The following CDH20 variants were observed in gnomAD, a reference collection of about 807,000 sequenced individuals.
The protein encoded by CDH20 is cadherin-20.
Under a neutral mutation model 74.2 loss-of-function variants are expected in CDH20, and 29 were observed. The ratio of observed to expected loss-of-function variants is 0.39; its 90% CI spans 0.29 to 0.53. The LOEUF (loss-of-function observed/expected upper bound fraction) is 0.53. Among genes scored for constraint, CDH20 ranks in the 20% least tolerant of loss-of-function variants. The pLI, the probability that CDH20 is intolerant of heterozygous loss-of-function variation, is 0.69. For synonymous variants in CDH20, 469 were observed against 405.4 expected (o/e 1.16, Z -1.88); for missense variants, 988 against 1,048.3 (o/e 0.94, Z 0.79).
chr18:61,433,823 T>C (rs1568137522), intron 1 of CDH20, among the ~76,000 whole-genome samples: 1 of 152,186 alleles, frequency 6.6e-6, no homozygotes, highest in East Asian at 1.9e-4. Flanking sequence ...GATTTTGGCT[T>C]GCATTGGCTT....
intron 8 of CDH20, among the ~76,000 whole-genome samples, chr18:61,537,154 A>G (rs1417268418): frequency 6.6e-6 from 1 of 152,072 alleles, no homozygotes; most frequent in East Asian, 1.9e-4. Context: ...TAAAAATTAG[A>G]TTATGTACTA....
intron 1 of CDH20, among the ~76,000 whole-genome samples, chr18:61,385,929 C>CAA (rs201684632): frequency 0.082 from 5,392 of 66,024 alleles, 137 homozygotes; most frequent in South Asian, 0.17. Flanking sequence ...GACTTTGTCT[C>CAA]AAAAAAAAAA....
At chr18:61,456,660 C>CA (rs1363378014) in intron 1 of CDH20, among the ~76,000 whole-genome samples, 3 of 150,930 alleles carry the variant, frequency 2.0e-5, no homozygotes, top group African/African-American at 7.3e-5. Context: ...AAAAAAAAAA[C>CA]AAAAAACACA....
chr18:61,554,325 A>C lies in CDH20; in HGVS notation c.2036A>C (p.Asp679Ala), dbSNP rs764202955. The change falls in exon 12 of 12, where the codon GAC becomes GCC. Residue 679 changes from aspartate to alanine, a missense_variant. Coordinates refer to ENST00000262717, the MANE Select transcript of CDH20 (RefSeq NM_031891.4). The stretch of plus-strand genomic sequence containing the variant: ...GGCGAGGAGGACACCGAGGCCTTCG[A>C]CATCGCGGCCATGTGGAACCCCCGG... ...GGGEEDTEAFDIAAMWNPREA... is the reference protein window; with the variant it reads ...GGGEEDTEAFAIAAMWNPREA... 1 of 1,613,698 alleles carries C rather than the reference A, an allele frequency of 6.2e-7. No individual in the cohort carries two copies. The highest frequency in any genetic ancestry group is 8.5e-7 in the Non-Finnish European group (1 of 1,179,960).
At chr18:61,435,643 C>T (rs1401543403) in intron 1 of CDH20, among the ~76,000 whole-genome samples, 1 of 151,612 alleles carries the variant, frequency 6.6e-6, no homozygotes, top group Admixed American at 6.6e-5. Context: ...CATAGGCAGA[C>T]ATAGGACAAG....
At chr18:61,444,396 G>T (rs918215112) in intron 1 of CDH20, among the ~76,000 whole-genome samples, 4 of 152,098 alleles carry the variant, frequency 2.6e-5, no homozygotes, top group Non-Finnish European at 5.9e-5. Context: ...AGTATATTTT[G>T]TTTTTATGTC....
intron 6 of CDH20, among the ~76,000 whole-genome samples, chr18:61,520,406 G>A (rs1322262551): frequency 2.0e-5 from 3 of 150,344 alleles, no homozygotes; most frequent in African/African-American, 7.4e-5. Flanking sequence ...AAATATATAT[G>A]CACCCAATAC....
chr18:61,348,883 G>A (rs1910216616), intron 1 of CDH20, among the ~76,000 whole-genome samples: 2 of 152,158 alleles, frequency 1.3e-5, no homozygotes, highest in African/African-American at 4.8e-5. Flanking sequence ...TGGAATCTAG[G>A]TGTAGCTTTG....
intron 6 of CDH20, among the ~76,000 whole-genome samples, chr18:61,524,055 TATAATAATA>T (rs141655676): frequency 2.0e-5 from 3 of 151,152 alleles, no homozygotes; most frequent in Admixed American, 6.6e-5. Flanking sequence ...GGATTTAAAG[TATAATAATA>T]ATAATAATAA....
At chr18:61,459,328 A>C (rs1909688347) in intron 1 of CDH20, among the ~76,000 whole-genome samples, 1 of 152,142 alleles carries the variant, frequency 6.6e-6, no homozygotes, top group Non-Finnish European at 1.5e-5. Flanking sequence ...CTCAATTAAA[A>C]ATGTTTGTTC....
intron 1 of CDH20, among the ~76,000 whole-genome samples, chr18:61,375,692 G>A (rs976018144): frequency 3.3e-5 from 5 of 151,784 alleles, no homozygotes; most frequent in South Asian, 4.2e-4. Context: ...CCATTACCCC[G>A]TTCCCTCCCT....
At chr18:61,455,904 G>A (rs1325665443) in intron 1 of CDH20, among the ~76,000 whole-genome samples, 2 of 152,196 alleles carry the variant, frequency 1.3e-5, no homozygotes, top group African/African-American at 4.8e-5. Flanking sequence ...TATCTAAATT[G>A]TATAGGTAAC....
intron 6 of CDH20, among the ~76,000 whole-genome samples, chr18:61,520,302 C>T (rs754401550): frequency 2.8e-5 from 3 of 106,714 alleles, no homozygotes; most frequent in South Asian, 6.9e-4. Flanking sequence ...AGTGGCAGAG[C>T]GAGACTCCGT....
At chr18:61,338,158 G>T (rs2144083261) in intron 1 of CDH20, among the ~76,000 whole-genome samples, 1 of 152,234 alleles carries the variant, frequency 6.6e-6, no homozygotes, top group South Asian at 2.1e-4. Flanking sequence ...GTGCTAAATA[G>T]CATAAGTAGT....
chr18:61,405,905 G>A (rs963507680), intron 1 of CDH20, among the ~76,000 whole-genome samples: 8 of 152,108 alleles, frequency 5.3e-5, no homozygotes, highest in African/African-American at 9.7e-5. Flanking sequence ...CTGTCTCAAC[G>A]GTCTTGCAGA....
intron 1 of CDH20, among the ~76,000 whole-genome samples, chr18:61,347,287 A>AATATATATATATATATATATAT (rs758677743): frequency 3.5e-5 from 3 of 86,450 alleles, no homozygotes; most frequent in African/African-American, 1.8e-4. Flanking sequence ...TGTCTCTGCT[A>AATATATATATATATATATATAT]ATATATATAT....
chr18:61,498,455 A>G (rs1034617523), intron 2 of CDH20, among the ~76,000 whole-genome samples: 1 of 151,916 alleles, frequency 6.6e-6, no homozygotes, highest in African/African-American at 2.4e-5. Flanking sequence ...CTGCATGGTC[A>G]GATAAAAGCA....
chr18:61,436,166 A>G (rs1408906536), intron 1 of CDH20, among the ~76,000 whole-genome samples: 2 of 152,184 alleles, frequency 1.3e-5, no homozygotes, highest in African/African-American at 2.4e-5. Flanking sequence ...GTATCCAATC[A>G]TCAGTTGACA....
chr18:61,554,894 G>T lies in CDH20; in HGVS notation c.*199G>T. 1 of 1,384,324 alleles carries T rather than the reference G, an allele frequency of 7.2e-7. No homozygotes were observed. The highest frequency in any genetic ancestry group is 1.9e-5 in the South Asian group (1 of 52,096). The allele number at this position is 1,384,324 out of a possible 1,614,324, so 85.8% of individuals were successfully genotyped here. On this transcript the variant is annotated 3_prime_UTR_variant, in exon 12 of 12. Coordinates refer to ENST00000262717, the MANE Select transcript of CDH20 (RefSeq NM_031891.4). ...GCAAAAGGAAACCCAGAAGGAAGAG[G>T]GCAGAATCTTTAATTACCTTTTTTT...
Sources: gnomAD v4.1 joint callset for allele counts (sites outside exome capture counted in the v4.1 genomes callset) on GRCh38, gnomAD v4.1.1 for gene constraint, MANE v1.5 for transcripts, NCBI Gene and HGNC (gene_info 2026-07-23, HGNC 2026-07-21) for gene names.